The following GTF3C2 variants were observed in gnomAD, a reference collection of about 807,000 sequenced individuals.
GTF3C2 encodes general transcription factor 3C polypeptide 2.
A neutral mutation model predicts 117.4 loss-of-function variants in GTF3C2; 17 were observed. The ratio of observed to expected loss-of-function variants is 0.14; its 90% CI spans 0.10 to 0.22. GTF3C2 has a LOEUF of 0.22. Among genes scored for constraint, GTF3C2 ranks in the 10% least tolerant of loss-of-function variants. The pLI is 1.00. For missense variants in GTF3C2, 888 were observed against 1,143.6 expected (o/e 0.78, Z 3.22); for synonymous variants, 437 against 427.0 (o/e 1.02, Z -0.29).
chr2:27,335,443 A>G (rs1051859668), intron 10 of GTF3C2, 155 bp downstream of exon 10: 1 of 715,252 alleles, frequency 1.4e-6, no homozygotes, highest in Non-Finnish European at 2.6e-6. Context: ...AGGGCTCAAG[A>G]ACAAACCTGA....
At chr2:27,348,139 G>C (rs1307184140) in intron 1 of GTF3C2, among the ~76,000 whole-genome samples, 1 of 152,066 alleles carries the variant, frequency 6.6e-6, no homozygotes, top group Non-Finnish European at 1.5e-5. Context: ...GTGGTGCCGC[G>C]TGCCTTAATC....
chr2:27,337,354 C>G lies in GTF3C2; in HGVS notation c.1029-12G>C, dbSNP rs1553388649. On this transcript the variant is annotated splice_polypyrimidine_tract_variant and intron_variant, in intron 6 of 18. Coordinates refer to ENST00000264720, the Ensembl canonical transcript of GTF3C2. ...AGGGAGCGGCCTCACTGGGGGAAGA[C>G]AAAGGGAACAGTCTAAATTTGGAAG... 6.4e-7 allele frequency: 1 copy of G among 1,573,328 alleles called. No individual in the cohort carries two copies. Among genetic ancestry groups the G allele is most frequent in the South Asian group, 1.1e-5 (1 of 90,208 alleles).
At chr2:27,342,166 G>C in exon 4 of GTF3C2, 1 of 1,614,116 alleles carries the variant, frequency 6.2e-7, no homozygotes, top group Non-Finnish European at 8.5e-7. Context: ...GGGCCCTCAG[G>C]ACAGGACACA....
At chr2:27,331,982 T>C (rs920973193) in intron 12 of GTF3C2, among the ~76,000 whole-genome samples, 6 of 152,084 alleles carry the variant, frequency 3.9e-5, no homozygotes, top group African/African-American at 1.4e-4. Context: ...CTACTTAATA[T>C]TATTTGTAAC....
At chr2:27,326,317 C>T in exon 19 of GTF3C2, 1 of 451,774 alleles carries the variant, frequency 2.2e-6, no homozygotes, top group East Asian at 5.6e-5. Flanking sequence ...TACACCCATT[C>T]ACAAGTGGTC....
At chr2:27,330,140 CAAAA>C (rs35471821) in intron 12 of GTF3C2, among the ~76,000 whole-genome samples, 3 of 84,256 alleles carry the variant, frequency 3.6e-5, no homozygotes, top group African/African-American at 4.5e-5. Context: ...GACTCCGTCT[CAAAA>C]AAAAAAAAAA....
At chr2:27,326,766 C>G in exon 19 of GTF3C2, 1 of 1,614,006 alleles carries the variant, frequency 6.2e-7, no homozygotes, top group Non-Finnish European at 8.5e-7. Flanking sequence ...GAAGTGGGCT[C>G]GGCTTTCAAG....
rs1252581022 is a variant in GTF3C2, at chr2:27,328,835, G to T, written c.2127+9C>A. ...TGTAATGAAGACTGCAAAAGAAAGG[G>T]GGGCTCACCCAAACGGTGCCTTTTC... On this transcript the variant is annotated intron_variant, in intron 15 of 18. Coordinates refer to ENST00000264720, the Ensembl canonical transcript of GTF3C2. 1.9e-6 allele frequency: 3 copies of T among 1,600,244 alleles called. No homozygotes were observed. The African/African-American group carries it at 4.0e-5, about 21-fold the overall frequency.
intron 1 of GTF3C2, among the ~76,000 whole-genome samples, chr2:27,348,863 T>C (rs552466293): frequency 6.6e-6 from 1 of 152,250 alleles, no homozygotes; most frequent in Non-Finnish European, 1.5e-5. Flanking sequence ...TGAAATGGAG[T>C]CTTGCTCTTG....
chr2:27,331,498 G>A (rs1376034583), intron 12 of GTF3C2, among the ~76,000 whole-genome samples: 2 of 151,832 alleles, frequency 1.3e-5, no homozygotes, highest in South Asian at 2.1e-4. Flanking sequence ...GCTAATTTTT[G>A]TATTTTTTAG....
intron 12 of GTF3C2, among the ~76,000 whole-genome samples, chr2:27,332,952 G>A (rs1469268282): frequency 6.6e-6 from 1 of 151,890 alleles, no homozygotes; most frequent in Admixed American, 6.6e-5. Flanking sequence ...TTGACCTCAT[G>A]ATCCACCTGC....
intron 3 of GTF3C2, 63 bp downstream of exon 3, chr2:27,342,758 CAACAT>C (rs1466391897): frequency 3.0e-5 from 36 of 1,206,832 alleles, no homozygotes; most frequent in Non-Finnish European, 4.2e-5. Context: ...CTTCTCTCTC[CAACAT>C]CTGCCCCACC....
At chr2:27,336,358 C>A in exon 8 of GTF3C2, 1 of 1,612,892 alleles carries the variant, frequency 6.2e-7, no homozygotes, top group Non-Finnish European at 8.5e-7. Flanking sequence ...CAGTCCAGAG[C>A]CCAGAGCGGT....
At position 27,329,372 on chromosome 2, in the gene GTF3C2, T is replaced by G. The variant is rs773208162; in HGVS notation, c.1877+7A>C. ...CCTTCCCCCTCCACATACCTCCTAT[T>G]CCATACCTGTTAGCTTTGCACCATT... On this transcript the variant is annotated splice_region_variant and intron_variant, in intron 13 of 18. Transcript: ENST00000264720. This position sits in a 1 kb window ranked among gnomAD's most constrained non-coding sequence, Gnocchi z 4.5. 1.9e-6 allele frequency: 3 copies of G among 1,614,024 alleles called. No individual in the cohort carries two copies. The highest frequency in any genetic ancestry group is 1.3e-5 in the African/African-American group (1 of 74,994).
At chr2:27,335,984 T>C (rs374053383) in exon 9 of GTF3C2, 7 of 1,613,768 alleles carry the variant, frequency 4.3e-6, no homozygotes, top group Non-Finnish European at 5.9e-6. Context: ...GATGCAGCCG[T>C]TGTCACAAGC....
chr2:27,346,225 C>A (rs1396658154), intron 1 of GTF3C2, among the ~76,000 whole-genome samples: 1 of 149,982 alleles, frequency 6.7e-6, no homozygotes, highest in Non-Finnish European at 1.5e-5. Context: ...GGTCTCACTA[C>A]GTTGCCCAGG....
intron 4 of GTF3C2, chr2:27,341,471 C>T (rs1234215225): frequency 6.3e-6 from 1 of 158,430 alleles, no homozygotes; most frequent in African/African-American, 2.4e-5. Flanking sequence ...CCAGTTTAAT[C>T]TCGCCTACAA....
chr2:27,341,042 T>C (rs1680711462), intron 4 of GTF3C2, among the ~76,000 whole-genome samples: 1 of 152,094 alleles, frequency 6.6e-6, no homozygotes, highest in Non-Finnish European at 1.5e-5. Flanking sequence ...TGTTTTGTTT[T>C]GTTTTGTTTT....
At chr2:27,338,702 AATTTTTTTGT>A (rs1680599891) in intron 4 of GTF3C2, among the ~76,000 whole-genome samples, 2 of 150,190 alleles carry the variant, frequency 1.3e-5, no homozygotes, top group Non-Finnish European at 3.0e-5. Flanking sequence ...ACACCTGGCT[AATTTTTTTGT>A]ATTTTTTTGT....
Sources: gnomAD v4.1 joint callset for allele counts (sites outside exome capture counted in the v4.1 genomes callset) on GRCh38, gnomAD v4.1.1 for gene constraint, Gnocchi (gnomAD v3.1) non-coding constraint, MANE v1.5 for transcripts, NCBI Gene and HGNC (gene_info 2026-07-23, HGNC 2026-07-21) for gene names.